CTNNA2: variants seen among roughly 807,000 people sequenced by gnomAD.
CTNNA2 encodes the protein catenin alpha 2.
A neutral mutation model predicts 101.0 loss-of-function variants in CTNNA2; 42 were observed. That is an observed-to-expected ratio of 0.42 (90% CI 0.32 to 0.54). The LOEUF (loss-of-function observed/expected upper bound fraction) is 0.54. CTNNA2 is among the 20% of genes least tolerant of loss of function. CTNNA2 has a pLI of 0.14. For synonymous variants in CTNNA2, 450 were observed against 456.4 expected (o/e 0.99, Z 0.18); for missense variants, 871 against 1,223.1 (o/e 0.71, Z 4.29).
intron 7 of CTNNA2, among the ~76,000 whole-genome samples, chr2:80,060,994 G>A (rs2104378107): frequency 6.6e-6 from 1 of 152,176 alleles, no homozygotes. Flanking sequence ...CCCTGGAATG[G>A]CCTGAAGCCT....
chr2:79,214,710 G>A (rs551525209), intron 2 of CTNNA2, among the ~76,000 whole-genome samples: 2 of 152,154 alleles, frequency 1.3e-5, no homozygotes, highest in South Asian at 4.1e-4. Flanking sequence ...TTGGGTTGGG[G>A]AAAAGGGCGG....
At chr2:79,371,297 G>A (rs1384033478) in intron 3 of CTNNA2, among the ~76,000 whole-genome samples, 1 of 152,028 alleles carries the variant, frequency 6.6e-6, no homozygotes. Flanking sequence ...CTCCAGACAG[G>A]AGAAGGTGGG....
intron 7 of CTNNA2, among the ~76,000 whole-genome samples, chr2:80,223,155 G>A (rs996833342): frequency 3.9e-5 from 6 of 152,184 alleles, no homozygotes; most frequent in Non-Finnish European, 7.3e-5. Context: ...GAAAGATCAG[G>A]CAAATTGAGT....
In CTNNA2 at chr2:80,609,065, C is replaced by T. The variant is rs567494227; in HGVS notation, c.2430+747C>T. 1.1e-4 allele frequency among the ~76,000 whole-genome samples: 16 copies of T among 151,912 alleles called. No homozygotes were observed. In the East Asian group the frequency reaches 2.9e-3, roughly 28 times the overall value. On this transcript the variant is annotated intron_variant, in intron 17 of 18. Coordinates refer to ENST00000402739, the MANE Select transcript of CTNNA2 (RefSeq NM_001282597.3). ...TCCTCCCTCAACCCCTTTCTCTCAA[C>T]ACAGGGTGCCATTTGTTGCAAATTA...
intron 2 of CTNNA2, among the ~76,000 whole-genome samples, chr2:79,291,763 G>A (rs732260): frequency 0.23 from 35,082 of 152,160 alleles, 4,543 homozygotes; most frequent in African/African-American, 0.35. Context: ...CCATGGCAGT[G>A]ACTTGGACAC....
At chr2:79,603,271 A>G (rs1677664114) in intron 1 of CTNNA2, among the ~76,000 whole-genome samples, 1 of 152,192 alleles carries the variant, frequency 6.6e-6, no homozygotes, top group African/African-American at 2.4e-5. Flanking sequence ...TTAGAGACCC[A>G]ATTTAAAAAG....
chr2:80,338,376 G>A (rs1419894171), intron 7 of CTNNA2, among the ~76,000 whole-genome samples: 1 of 148,722 alleles, frequency 6.7e-6, no homozygotes, highest in Admixed American at 6.8e-5. Context: ...TATTCTGGAA[G>A]TCTTTCTGTG....
At chr2:80,589,235 G>A in intron 14 of CTNNA2, 69 bp from the exon 15 acceptor site, 1 of 1,507,526 alleles carries the variant, frequency 6.6e-7, no homozygotes, top group Admixed American at 1.8e-5. Context: ...ATCCGCAGAA[G>A]GCAGAGTCAA....
chr2:79,243,791 AG>A (rs1300364302), intron 2 of CTNNA2, among the ~76,000 whole-genome samples: 1 of 152,176 alleles, frequency 6.6e-6, no homozygotes, highest in East Asian at 1.9e-4. Flanking sequence ...AGAAGGGGTA[AG>A]GAATAGGAAA....
chr2:79,723,524 A>G (rs919842393), intron 2 of CTNNA2, among the ~76,000 whole-genome samples: 1 of 152,212 alleles, frequency 6.6e-6, no homozygotes, highest in South Asian at 2.1e-4. Flanking sequence ...CTCTGGTTCT[A>G]TGCAGAAGTC....
chr2:79,724,616 C>A (rs1223988775), intron 2 of CTNNA2, among the ~76,000 whole-genome samples: 1 of 151,860 alleles, frequency 6.6e-6, no homozygotes, highest in Non-Finnish European at 1.5e-5. Context: ...GAGATCAAGA[C>A]CATCCTGGCT....
intron 3 of CTNNA2, among the ~76,000 whole-genome samples, chr2:79,760,505 C>A (rs1384562054): frequency 2.6e-5 from 4 of 152,208 alleles, no homozygotes; most frequent in African/African-American, 9.6e-5. Flanking sequence ...TTCCAGCAGA[C>A]CTCGGTTTTT....
intron 7 of CTNNA2, among the ~76,000 whole-genome samples, chr2:80,212,336 A>G (rs960612948): frequency 6.6e-6 from 1 of 152,168 alleles, no homozygotes; most frequent in Admixed American, 6.5e-5. Context: ...CCCATTCAGT[A>G]TGATATTGGG....
intron 6 of CTNNA2, among the ~76,000 whole-genome samples, chr2:79,882,337 C>A (rs1683496868): frequency 6.6e-6 from 1 of 152,158 alleles, no homozygotes; most frequent in Non-Finnish European, 1.5e-5. Context: ...ACACCACAGA[C>A]ACTGTGGCCA....
intron 7 of CTNNA2, among the ~76,000 whole-genome samples, chr2:80,198,991 G>A (rs1448838368): frequency 6.6e-6 from 1 of 151,732 alleles, no homozygotes; most frequent in Non-Finnish European, 1.5e-5. Context: ...GACCAACCTA[G>A]CCAACATAGT....
intron 3 of CTNNA2, among the ~76,000 whole-genome samples, chr2:79,822,856 T>C (rs1678121255): frequency 6.6e-6 from 1 of 152,164 alleles, no homozygotes; most frequent in African/African-American, 2.4e-5. Flanking sequence ...AGGCCATATA[T>C]GATCTGCCTG....
chr2:79,746,078 A>G (rs991324102), intron 3 of CTNNA2, among the ~76,000 whole-genome samples: 3 of 152,130 alleles, frequency 2.0e-5, no homozygotes, highest in African/African-American at 7.2e-5. Flanking sequence ...CACTTGTTTT[A>G]TTTTGTGAAT....
chr2:79,508,851 T>C (rs984472412), upstream of CTNNA2, among the ~76,000 whole-genome samples: 1 of 151,180 alleles, frequency 6.6e-6, no homozygotes, highest in Non-Finnish European at 1.5e-5. Context: ...TATAAGGTTA[T>C]GGTTGAAATG....
intron 2 of CTNNA2, among the ~76,000 whole-genome samples, chr2:79,264,018 A>C (rs2104290396): frequency 6.6e-6 from 1 of 152,360 alleles, no homozygotes; most frequent in East Asian, 1.9e-4. Flanking sequence ...AGACACATGC[A>C]AATCTTTATT....
Sources: allele counts gnomAD v4.1 joint callset (sites outside exome capture counted in the v4.1 genomes callset), GRCh38; gene constraint gnomAD v4.1.1; transcripts MANE v1.5; gene names NCBI Gene and HGNC (gene_info 2026-07-23, HGNC 2026-07-21).